The following LRRC69 variants were observed in gnomAD, a reference collection of about 807,000 sequenced individuals.
LRRC69 encodes leucine rich repeat containing 69, also known as leucine-rich repeat-containing protein 69.
Under a neutral mutation model 37.8 loss-of-function variants are expected in LRRC69, and 42 were observed. That is an observed-to-expected ratio of 1.11 (90% CI 0.87 to 1.44). The LOEUF (loss-of-function observed/expected upper bound fraction) is 1.44. Ranked by LOEUF, LRRC69 falls within the 40% of genes most tolerant of loss-of-function variation. The pLI is 0.00. For missense variants in LRRC69, 357 were observed against 401.9 expected, an observed-to-expected ratio of 0.89 and a Z score of 0.96; for synonymous variants, 141 against 143.1, an observed-to-expected ratio of 0.99 and a Z score of 0.11.
intron 1 of LRRC69, among the ~76,000 whole-genome samples, chr8:91,119,942 G>A (rs1813588172): frequency 6.6e-6 from 1 of 151,842 alleles, no homozygotes; most frequent in African/African-American, 2.4e-5. Context: ...TTGATTCTGT[G>A]AGTGTCCCCA....
At chr8:91,122,052 A>G (rs1482848400) in intron 1 of LRRC69, among the ~76,000 whole-genome samples, 5 of 152,092 alleles carry the variant, frequency 3.3e-5, no homozygotes, top group Non-Finnish European at 7.3e-5. Context: ...GTAAAACACA[A>G]TGACAAAAAT....
exon 4 of LRRC69, chr8:91,133,129 A>G (rs1563599198): frequency 2.0e-6 from 3 of 1,489,064 alleles, no homozygotes; most frequent in Non-Finnish European, 2.7e-6. Flanking sequence ...TCTTACTTAT[A>G]TGAGTATAAA....
At chr8:91,196,654 G>A (rs1809606994) in intron 6 of LRRC69, among the ~76,000 whole-genome samples, 1 of 152,012 alleles carries the variant, frequency 6.6e-6, no homozygotes, top group African/African-American at 2.4e-5. Flanking sequence ...TGAGGCTTCT[G>A]CATTCTTCCC....
At chr8:91,178,892 A>C (rs538510417) in intron 5 of LRRC69, among the ~76,000 whole-genome samples, 39 of 152,310 alleles carry the variant, frequency 2.6e-4, no homozygotes, top group African/African-American at 8.9e-4. Context: ...TTATGTGTAC[A>C]CAATTTTCAC....
chr8:91,197,799 G>A (rs71528788), intron 6 of LRRC69, among the ~76,000 whole-genome samples: 7,583 of 151,946 alleles, frequency 0.05, 261 homozygotes, highest in Middle Eastern at 0.16. Flanking sequence ...GAAATCACCC[G>A]TCTTCTGTGT....
chr8:91,216,692 C>G (rs1472409544), intron 7 of LRRC69, among the ~76,000 whole-genome samples: 2 of 152,090 alleles, frequency 1.3e-5, no homozygotes, highest in African/African-American at 4.8e-5. Context: ...TCTCCAACCA[C>G]AATTTCATCA....
chr8:91,171,953 T>C (rs1809140160), intron 5 of LRRC69, among the ~76,000 whole-genome samples: 1 of 79,674 alleles, frequency 1.3e-5, no homozygotes, highest in Admixed American at 9.6e-5. Context: ...ATGGAGGTTT[T>C]TTTTTTAAAA....
intron 6 of LRRC69, among the ~76,000 whole-genome samples, chr8:91,197,376 CG>C (rs1168010127): frequency 2.0e-5 from 3 of 152,196 alleles, no homozygotes; most frequent in African/African-American, 7.2e-5. Flanking sequence ...CCACCCAGTT[CG>C]AGCTTCCCCG....
rs371744799 is a variant in LRRC69 at position 91,138,117 on chromosome 8, A to G, written c.651+2378A>G. Reference sequence around the variant, plus strand: ...CATAAGGTTGTTATGTCAAATAGTGATTATGAAGCATTTTGTGCATAGTTG... The same window carrying G: ...CATAAGGTTGTTATGTCAAATAGTGGTTATGAAGCATTTTGTGCATAGTTG... On this transcript the variant is annotated intron_variant, in intron 5 of 7. Transcript: ENST00000448384. Among the ~76,000 whole-genome samples the G allele has an allele frequency of 5.3e-5, 8 of 152,136 alleles. No individual in the cohort carries two copies. In the South Asian group the frequency reaches 1.7e-3, roughly 31 times the overall value.
intron 5 of LRRC69, among the ~76,000 whole-genome samples, chr8:91,147,866 G>T (rs1183337891): frequency 6.6e-6 from 1 of 151,270 alleles, no homozygotes; most frequent in East Asian, 1.9e-4. Context: ...TCCCCACCTG[G>T]CCCCCCCAAC....
intron 5 of LRRC69, among the ~76,000 whole-genome samples, chr8:91,141,221 G>T (rs1319689387): frequency 6.6e-6 from 1 of 152,066 alleles, no homozygotes; most frequent in Admixed American, 6.6e-5. Context: ...AGTGATGCTT[G>T]TTTTATTAGT....
intron 3 of LRRC69, among the ~76,000 whole-genome samples, chr8:91,129,212 T>G (rs1386951358): frequency 2.6e-5 from 4 of 151,940 alleles, no homozygotes; most frequent in Admixed American, 2.0e-4. Flanking sequence ...ACAGAATGAG[T>G]CTGGAAGACA....
intron 5 of LRRC69, among the ~76,000 whole-genome samples, chr8:91,163,165 G>A (rs13254176): frequency 0.052 from 7,935 of 151,290 alleles, 293 homozygotes; most frequent in Middle Eastern, 0.16. Flanking sequence ...CTCAGTCAAA[G>A]TAGCCTCTAC....
chr8:91,161,466 C>G (rs1275053820), intron 5 of LRRC69, among the ~76,000 whole-genome samples: 1 of 151,236 alleles, frequency 6.6e-6, no homozygotes, highest in East Asian at 1.9e-4. Context: ...CTGTTTCAAT[C>G]TCATTACTCA....
At chr8:91,191,292 T>C (rs78184149) in intron 6 of LRRC69, among the ~76,000 whole-genome samples, 2,891 of 152,244 alleles carry the variant, frequency 0.019, 55 homozygotes, top group South Asian at 0.093. Context: ...AGTAAATAAT[T>C]TGAGTAACAG....
At chr8:91,143,675 C>T (rs949025816) in intron 5 of LRRC69, among the ~76,000 whole-genome samples, 1 of 151,922 alleles carries the variant, frequency 6.6e-6, no homozygotes, top group African/African-American at 2.4e-5. Context: ...GTTATAGCAC[C>T]TATTCCGTTT....
At chr8:91,102,807 T>C (rs1813243771) in exon 1 of LRRC69, 2 of 1,551,310 alleles carry the variant, frequency 1.3e-6, no homozygotes, top group African/African-American at 2.7e-5. Flanking sequence ...AATAACCTAA[T>C]CCCCAAAGTG....
chr8:91,172,922 T>G (rs1286287646), intron 5 of LRRC69, among the ~76,000 whole-genome samples: 1 of 152,068 alleles, frequency 6.6e-6, no homozygotes, highest in Non-Finnish European at 1.5e-5. Flanking sequence ...CACAGGAGAT[T>G]CCCTGAAAGA....
chr8:91,179,718 C>A (rs1273391942), intron 5 of LRRC69, among the ~76,000 whole-genome samples: 5 of 152,116 alleles, frequency 3.3e-5, no homozygotes, highest in African/African-American at 1.2e-4. Flanking sequence ...GATAATCAAG[C>A]ATTTATTGAA....
Sources: allele counts gnomAD v4.1 joint callset (sites outside exome capture counted in the v4.1 genomes callset), GRCh38; gene constraint gnomAD v4.1.1; transcripts MANE v1.5; gene names NCBI Gene and HGNC (gene_info 2026-07-23, HGNC 2026-07-21).